The following SLC52A1 variants were observed in gnomAD, a reference collection of about 807,000 sequenced individuals.
SLC52A1 encodes solute carrier family 52 member 1.
SLC52A1 carries 20 observed loss-of-function variants against 23.2 expected under a neutral mutation model. The observed-to-expected ratio is 0.86, with a 90% CI of 0.61 to 1.25. SLC52A1 has a LOEUF of 1.25. Ranked by LOEUF, SLC52A1 falls within the 50% of genes most tolerant of loss-of-function variation. SLC52A1 has a pLI of 0.00. For synonymous variants in SLC52A1, 260 were observed against 256.6 expected, an observed-to-expected ratio of 1.01 and a Z score of -0.13; for missense variants, 528 against 557.0, an observed-to-expected ratio of 0.95 and a Z score of 0.52.
chr17:5,032,797 C>T lies in SLC52A1; in HGVS notation c.*160G>A. On this transcript the variant is annotated 3_prime_UTR_variant, in exon 5 of 5. Coordinates refer to ENST00000254853, the MANE Select transcript of SLC52A1 (RefSeq NM_017986.4). ...TGGCTCTGGGCCTGGTCTTTGGTGCCCACCCTGGCCTCACATGCCAACGTC... is the reference window on the plus strand; with the variant it reads ...TGGCTCTGGGCCTGGTCTTTGGTGCTCACCCTGGCCTCACATGCCAACGTC... The T allele has an allele frequency of 2.9e-6, 2 of 684,066 alleles. No homozygotes were observed. Among genetic ancestry groups the T allele is most frequent in the Non-Finnish European group, 4.9e-6 (2 of 410,870 alleles). The allele number at this position is 684,066 out of a possible 1,614,324, so 42.4% of individuals were successfully genotyped here. A position where few individuals can be genotyped will look rare whatever the true frequency, so the allele number is the denominator to read the frequency against.
chr17:5,040,034 G>A (rs576758396), upstream of SLC52A1, among the ~76,000 whole-genome samples: 2 of 152,262 alleles, frequency 1.3e-5, no homozygotes, highest in Admixed American at 1.3e-4. Flanking sequence ...GCCTGGGGTG[G>A]TTGTGATGTG....
rs763870337 is a variant in SLC52A1 at position 5,033,306 on chromosome 17, G to A, written c.1089C>T (p.Ser363=). 3 of 1,614,014 alleles carry A rather than the reference G, an allele frequency of 1.9e-6. No individual in the cohort carries two copies. ...TGGTGCCCACCAGGGGTGGGCAGGG[G>A]CTCAGGATTGCCAGTGCCATCAGGT... ...GAYLMALAIL[S]PCPPLVGTTA... Residue 363 remains serine, a synonymous_variant, in exon 4 of 5, where the codon AGC becomes AGT. Transcript: ENST00000254853.
In SLC52A1 at chr17:5,033,050, G is replaced by A. The variant is rs202032568; in HGVS notation, c.1254C>T (p.Gly418=). 113 of 1,613,672 alleles carry A rather than the reference G, an allele frequency of 7.0e-5. No individual in the cohort carries two copies. The highest frequency in any genetic ancestry group is 9.4e-5 in the Non-Finnish European group (111 of 1,179,976). ...ACATGGCACCGGCACCAAGCAGGGA[G>A]CCCACTTGGATGGCCACACCAGCTG... is the stretch of plus-strand genomic sequence containing the variant. ...LLAAGVAIQV[G]SLLGAGAMFP... is the part of the protein sequence containing the mutation. The change falls in exon 5 of 5, where the codon GGC becomes GGT. Residue 418 remains glycine, a synonymous_variant. Coordinates refer to ENST00000254853, the MANE Select transcript of SLC52A1 (RefSeq NM_017986.4).
At chr17:5,037,914 C>CTTTT (rs10673155), upstream of SLC52A1, among the ~76,000 whole-genome samples, 1 of 40,020 alleles carries the variant, frequency 2.5e-5, no homozygotes, top group Admixed American at 2.1e-4. Context: ...TTCTTCCTTC[C>CTTTT]TTTTTTTTTT....
chr17:5,033,898 G>C lies in SLC52A1; in HGVS notation c.591C>G (p.Phe197Leu). Residue 197 changes from phenylalanine to leucine, a missense_variant, in exon 3 of 5, where the codon TTC becomes TTG. Physicochemically the swap from Phe to Leu is conservative, Grantham distance 22. Coordinates refer to ENST00000254853, the MANE Select transcript of SLC52A1 (RefSeq NM_017986.4). ...FPERFPASTFFWALTALLVTS... is the reference protein window; with the variant it reads ...FPERFPASTFLWALTALLVTS... ...TGACCAGAAGGGCAGTCAGTGCCCAGAAGAAGGTGCTGGCAGGAAAACGCT... is the reference window on the plus strand; with the variant it reads ...TGACCAGAAGGGCAGTCAGTGCCCACAAGAAGGTGCTGGCAGGAAAACGCT... The C allele has an allele frequency of 1.2e-6, 2 of 1,614,218 alleles. No individual in the cohort carries two copies. The highest frequency in any genetic ancestry group is 2.2e-5 in the South Asian group (2 of 91,068).
Position 5,034,384 on chromosome 17 carries a change from C to A in SLC52A1, c.131-26G>T. 2.5e-6 allele frequency: 4 copies of A among 1,592,516 alleles called. No individual in the cohort carries two copies. The South Asian group carries it at 4.6e-5, about 18-fold the overall frequency. On this transcript the variant is annotated intron_variant, in intron 2 of 4. Coordinates refer to ENST00000254853, the MANE Select transcript of SLC52A1 (RefSeq NM_017986.4). ...CTGCAGGGAAGGAATGATGCCATGTCAGGAGCACAGTGGCTAAGGGACAAA... is the reference window on the plus strand; with the variant it reads ...CTGCAGGGAAGGAATGATGCCATGTAAGGAGCACAGTGGCTAAGGGACAAA...
chr17:5,036,873 G>T (rs1975472430), upstream of SLC52A1, among the ~76,000 whole-genome samples: 2 of 152,044 alleles, frequency 1.3e-5, no homozygotes, highest in Admixed American at 1.3e-4. Flanking sequence ...AAAAGGAAGT[G>T]CAGTAGCACA....
At position 5,034,409 on chromosome 17, in the gene SLC52A1, A is replaced by C. The variant is rs745955975; in HGVS notation, c.131-51T>G. The C allele has an allele frequency of 1.6e-5, 25 of 1,605,798 alleles. No homozygotes were observed. The East Asian group carries it at 4.9e-4, about 32-fold the overall frequency. ...CAGGAGCACAGTGGCTAAGGGACAA[A>C]GAGCTGCCACAGGCCACCTTTCTGG... On this transcript the variant is annotated intron_variant, in intron 2 of 4. Transcript: ENST00000254853.
chr17:5,041,701 A>G (rs545889552), intron 1 of SLC52A1, among the ~76,000 whole-genome samples: 1 of 151,678 alleles, frequency 6.6e-6, no homozygotes, highest in East Asian at 1.9e-4. Flanking sequence ...CTGGTCTCGA[A>G]CTCCTGACCT....
At chr17:5,036,380 T>C (rs551110445), upstream of SLC52A1, among the ~76,000 whole-genome samples, 1 of 144,132 alleles carries the variant, frequency 6.9e-6, no homozygotes, top group South Asian at 2.3e-4. Flanking sequence ...CTGGACGTGG[T>C]GTGCACACCT....
At chr17:5,038,993 A>C (rs2143453226), upstream of SLC52A1, among the ~76,000 whole-genome samples, 1 of 152,096 alleles carries the variant, frequency 6.6e-6, no homozygotes, top group Admixed American at 6.6e-5. Context: ...TATTATCAAT[A>C]CTCCATTAAA....
At position 5,034,478 on chromosome 17, in the gene SLC52A1, C is replaced by G. The variant is rs1236908547; in HGVS notation, c.129G>C (p.Glu43Asp). The G allele has an allele frequency of 6.2e-7, 1 of 1,614,228 alleles. No individual in the cohort carries two copies. The highest frequency in any genetic ancestry group is 1.1e-5 in the South Asian group (1 of 91,088). Residue 43 changes from glutamate to aspartate, a missense_variant and splice_region_variant, in exon 2 of 5, where the codon GAG becomes GAC. Coordinates refer to ENST00000254853, the MANE Select transcript of SLC52A1 (RefSeq NM_017986.4). ...ELPVVVKDLPEGWSLPSYLSV... is the reference protein window; with the variant it reads ...ELPVVVKDLPDGWSLPSYLSV... ...TCCCTGTACCTCCCTCCCACTCACC[C>G]TCTGGAAGGTCTTTTACCACCACAG...
Position 5,033,469 on chromosome 17 carries a change from C to T in SLC52A1, c.1010+10G>A. On this transcript the variant is annotated intron_variant, in intron 3 of 4. Coordinates refer to ENST00000254853, the MANE Select transcript of SLC52A1 (RefSeq NM_017986.4). ...AGTTCCACCCACCAAGCCTGGGGAC[C>T]CTTTTGCACCTGCACAGCACGCCCA... 1 of 1,607,664 alleles carries T rather than the reference C, an allele frequency of 6.2e-7. No individual in the cohort carries two copies. The highest frequency in any genetic ancestry group is 8.5e-7 in the Non-Finnish European group (1 of 1,176,798).
chr17:5,037,496 A>C (rs1975485276), upstream of SLC52A1, among the ~76,000 whole-genome samples: 2 of 152,074 alleles, frequency 1.3e-5, no homozygotes, highest in African/African-American at 4.8e-5. Context: ...TCCAGTCGAG[A>C]CAACAGAGCG....
At position 5,032,850 on chromosome 17, in the gene SLC52A1, G is replaced by A; in HGVS notation, c.*107C>T. 9.9e-7 allele frequency: 1 copy of A among 1,006,736 alleles called. No individual in the cohort carries two copies. The highest frequency in any genetic ancestry group is 2.5e-5 in the East Asian group (1 of 39,406). The allele number at this position is 1,006,736 out of a possible 1,614,324, so 62.4% of individuals were successfully genotyped here. A position where few individuals can be genotyped will look rare whatever the true frequency, so the allele number is the denominator to read the frequency against. ...CTGTGGAGTGTGCAGGTGTCCATGA[G>A]CGTTCCTGTGTTGGGGGAAGCCTGC... On this transcript the variant is annotated 3_prime_UTR_variant, in exon 5 of 5. Transcript: ENST00000254853.
chr17:5,034,124 G>A lies in SLC52A1; in HGVS notation c.365C>T (p.Ala122Val). ...VAFLTLALVLAMACCTSNVTF... is the reference protein window; with the variant it reads ...VAFLTLALVLVMACCTSNVTF... ...GACATTAGAGGTACAACAGGCCATT[G>A]CCAACACCAAGGCCAGAGTTAGGAA... The change falls in exon 3 of 5, where the codon GCA becomes GTA. Residue 122 changes from alanine (A) to valine (V), a missense_variant. By Grantham distance (64) the Ala-to-Val change is moderately conservative. Coordinates refer to ENST00000254853, the MANE Select transcript of SLC52A1 (RefSeq NM_017986.4). 1.2e-6 allele frequency: 2 copies of A among 1,614,228 alleles called. No individual in the cohort carries two copies. Among genetic ancestry groups the A allele is most frequent in the Non-Finnish European group, 1.7e-6 (2 of 1,180,028 alleles).
At chr17:5,039,243 A>T (rs1440649121), upstream of SLC52A1, among the ~76,000 whole-genome samples, 1 of 151,668 alleles carries the variant, frequency 6.6e-6, no homozygotes, top group Non-Finnish European at 1.5e-5. Flanking sequence ...GAATCACTAG[A>T]ACTCAGGAGG....
chr17:5,032,983 C>G lies in SLC52A1; in HGVS notation c.1321G>C (p.Asp441His), dbSNP rs148979394. ...CAGGGGCCACAGGGGTCTACACAGT[C>G]CTTTCTGCTTTGAAACACGTGGTAG... ...SIYHVFQSRKDCVDPCGP is the reference protein window; with the variant it reads ...SIYHVFQSRKHCVDPCGP Residue 441 changes from aspartate (D) to histidine (H), a missense_variant, in exon 5 of 5, where the codon GAC (aspartate) becomes CAC (histidine). Physicochemically the swap from Asp to His is moderately conservative, Grantham distance 81. Transcript: ENST00000254853. 1,499 of 1,613,774 alleles carry G rather than the reference C, an allele frequency of 9.3e-4. 1 individual carries two copies. The highest frequency in any genetic ancestry group is 2.1e-3 in the Middle Eastern group (13 of 6,062).
At chr17:5,038,840 G>A (rs1434868719), upstream of SLC52A1, among the ~76,000 whole-genome samples, 3 of 151,714 alleles carry the variant, frequency 2.0e-5, no homozygotes, top group East Asian at 2.0e-4. Flanking sequence ...CGCCCACCTC[G>A]GCCTCCCAAA....
Sources: gnomAD v4.1 joint callset for allele counts (sites outside exome capture counted in the v4.1 genomes callset) on GRCh38, gnomAD v4.1.1 for gene constraint, MANE v1.5 for transcripts, NCBI Gene and HGNC (gene_info 2026-07-23, HGNC 2026-07-21) for gene names.